The following CHD2 variants were observed in gnomAD, a reference collection of about 807,000 sequenced individuals.
CHD2 encodes chromodomain helicase DNA binding protein 2, also known as ATP-dependent chromatin remodeler CHD2.
A neutral mutation model predicts 243.9 loss-of-function variants in CHD2; 28 were observed. That is an observed-to-expected ratio of 0.11 (90% confidence interval 0.09 to 0.16). The LOEUF (loss-of-function observed/expected upper bound fraction) is 0.16, where lower values mean the gene tolerates loss of function less well. Among genes scored for constraint, CHD2 ranks in the 10% least tolerant of loss-of-function variants. The pLI is 1.00. For synonymous variants in CHD2, 775 were observed against 779.0 expected (o/e 0.99, Z 0.09); for missense variants, 1,386 against 2,209.8 (o/e 0.63, Z 7.47).
intron 9 of CHD2, chr15:92,943,591 A>G (rs2053416318): frequency 6.2e-6 from 1 of 161,376 alleles, no homozygotes; most frequent in Non-Finnish European, 1.4e-5. Context: ...TATTAGGTTA[A>G]CTACTGAAAC....
intron 2 of CHD2, 52 bp from the exon 3 acceptor site, chr15:92,924,269 T>A: frequency 6.6e-7 from 1 of 1,525,426 alleles, no homozygotes; most frequent in Non-Finnish European, 9.0e-7. Context: ...TTTAAGCAGA[T>A]TCATGTGTCA....
chr15:92,997,134 G>GT lies in CHD2; in HGVS notation c.3734+40dup. The GT allele has an allele frequency of 6.2e-7, 1 of 1,604,364 alleles. No homozygotes were observed. The highest frequency in any genetic ancestry group is 8.5e-7 in the Non-Finnish European group (1 of 1,176,686). ...GTGTACATGCTTAGATGGTCGTACCGTAAGAAAATAGATTTGAAGTTAGAC... is the reference window on the plus strand; with the variant it reads ...GTGTACATGCTTAGATGGTCGTACCGTTAAGAAAATAGATTTGAAGTTAGAC... On this transcript the variant is annotated intron_variant, in intron 29 of 38. Transcript: ENST00000394196. This position sits in a 1 kb window ranked among gnomAD's most constrained non-coding sequence, Gnocchi z 4.1.
intron 18 of CHD2, 52 bp from the exon 19 acceptor site, chr15:92,972,213 G>A: frequency 6.4e-7 from 1 of 1,563,038 alleles, no homozygotes; most frequent in East Asian, 2.3e-5. Context: ...GATTAGGGAA[G>A]ATTAAAATTT....
Position 92,967,534 on chromosome 15 carries a change from G to C in CHD2, c.2189+21G>C, listed in dbSNP as rs190676730. 4.2e-4 allele frequency: 675 copies of C among 1,602,252 alleles called. 1 individual carries two copies. The highest frequency in any genetic ancestry group is 5.5e-4 in the Non-Finnish European group (644 of 1,170,328). On this transcript the variant is annotated intron_variant, in intron 17 of 38. Coordinates refer to ENST00000394196, the MANE Select transcript of CHD2 (RefSeq NM_001271.4). ...TACAAGTAAGTTCTTGTTTGGGTTA[G>C]GCCTGAAGGGGTTGAGATCAGTACC... is the stretch of plus-strand genomic sequence containing the variant.
intron 9 of CHD2, 48 bp from the exon 10 acceptor site, chr15:92,944,367 C>A: frequency 1.8e-6 from 2 of 1,083,968 alleles, no homozygotes; most frequent in South Asian, 1.4e-5. Flanking sequence ...GTATGTGGAT[C>A]CCCAGACTTT....
intron 16 of CHD2, among the ~76,000 whole-genome samples, chr15:92,966,540 T>A (rs192968008): frequency 2.6e-5 from 4 of 152,336 alleles, no homozygotes; most frequent in Admixed American, 1.3e-4. Context: ...AAAGATCATA[T>A]AATCTGCTTC....
chr15:92,967,598 GTTTT>G (rs144172255), intron 17 of CHD2, 85 bp downstream of exon 17: 12 of 611,618 alleles, frequency 2.0e-5, no homozygotes, highest in Non-Finnish European at 2.1e-5. Context: ...ATATACTTTT[GTTTT>G]TTTTTTTTTT....
In CHD2 at chr15:92,978,298, C is replaced by T. The variant is rs746640348; in HGVS notation, c.2642C>T (p.Thr881Ile). 1.2e-6 allele frequency: 2 copies of T among 1,614,196 alleles called. No homozygotes were observed. The highest frequency in any genetic ancestry group is 1.7e-6 in the Non-Finnish European group (2 of 1,180,030). Residue 881 changes from threonine (T) to isoleucine (I), a missense_variant, in exon 21 of 39, where the codon ACA becomes ATA. By Grantham distance (89) the Thr-to-Ile change is moderately conservative. This residue lies in a region of CHD2 where 18 missense variants were observed against 115.3 expected (regional missense o/e 0.16). Transcript: ENST00000394196. Reference protein sequence around the residue: ...GLGINLASADTVVIFDSDWNP... With the variant: ...GLGINLASADIVVIFDSDWNP... The stretch of plus-strand genomic sequence containing the variant: ...GGAATCAATTTGGCTTCAGCGGACA[C>T]AGTCGTCATCTTTGACTCTGACTGG...
At chr15:92,981,546 C>A in intron 24 of CHD2, 89 bp downstream of exon 24, 1 of 944,114 alleles carries the variant, frequency 1.1e-6, no homozygotes, top group Non-Finnish European at 1.6e-6. Flanking sequence ...GCTAGGCGCT[C>A]TGCTTTTCTC....
chr15:92,978,068 A>C, intron 20 of CHD2, 166 bp from the exon 21 acceptor site: 1 of 741,836 alleles, frequency 1.3e-6, no homozygotes, highest in South Asian at 1.7e-5. Context: ...ATGAAAATTC[A>C]TTCTACCATC....
In CHD2 at chr15:93,020,239, C is replaced by T. The variant is rs1006465697; in HGVS notation, c.5134C>T (p.His1712Tyr). ...QYSSDRDHRG[H>Y]RDYYDRHHHD... ...CAGCAGTGACCGAGACCACCGGGGA[C>T]ACAGAGATTATTATGACAGGTATGC... The change falls in exon 38 of 39, where the codon CAC becomes TAC. Residue 1712 changes from histidine to tyrosine, a missense_variant. Coordinates refer to ENST00000394196, the MANE Select transcript of CHD2 (RefSeq NM_001271.4). 1.9e-6 allele frequency: 3 copies of T among 1,613,974 alleles called. No homozygotes were observed. Among genetic ancestry groups the T allele is most frequent in the Admixed American group, 1.7e-5 (1 of 59,998 alleles).
chr15:92,954,612 A>T (rs2053595015), intron 14 of CHD2, among the ~76,000 whole-genome samples: 1 of 152,276 alleles, frequency 6.6e-6, no homozygotes, highest in Admixed American at 6.5e-5. Flanking sequence ...TTAAAGACGA[A>T]AAAAGAGAAA....
At position 92,943,254 on chromosome 15, in the gene CHD2, G is replaced by GAGTTAA. The variant is rs1277776843; in HGVS notation, c.1052+186_1052+187insAGTTAA. 24 of 581,206 alleles carry GAGTTAA rather than the reference G, an allele frequency of 4.1e-5. No individual in the cohort carries two copies. In the Admixed American group the frequency reaches 4.3e-4, roughly 10 times the overall value. The allele number at this position is 581,206 out of a possible 1,614,324, so 36.0% of individuals were successfully genotyped here. On this transcript the variant is annotated intron_variant, in intron 9 of 38. Coordinates refer to ENST00000394196, the MANE Select transcript of CHD2 (RefSeq NM_001271.4). ...TTCAGATACTATATTTTTATATGTG[G>GAGTTAA]CTACCAAGTTTTTGGAGTTAACTAG...
chr15:92,994,445 G>T (rs2054161789), intron 28 of CHD2, among the ~76,000 whole-genome samples: 1 of 151,688 alleles, frequency 6.6e-6, no homozygotes, highest in Non-Finnish European at 1.5e-5. Context: ...TATTGAATTT[G>T]ATATAATTTA....
chr15:92,953,818 A>G (rs1199109503), intron 14 of CHD2: 3 of 460,924 alleles, frequency 6.5e-6, no homozygotes, highest in Non-Finnish European at 1.2e-5. Context: ...GGGTTGCAAT[A>G]TTAAATTTTT....
At chr15:92,995,487 TGTGC>T (rs1186913024) in intron 28 of CHD2, among the ~76,000 whole-genome samples, 1 of 118,760 alleles carries the variant, frequency 8.4e-6, no homozygotes, top group Admixed American at 9.1e-5. Flanking sequence ...TTTAAGTGTG[TGTGC>T]GTGTGTATTT....
At chr15:92,904,320 G>T in intron 2 of CHD2, 1 of 396,644 alleles carries the variant, frequency 2.5e-6, no homozygotes, top group East Asian at 1.6e-4. Context: ...GGTGCTGATT[G>T]GCTGTGCGCG....
intron 2 of CHD2, among the ~76,000 whole-genome samples, chr15:92,915,217 TAGAAAC>T (rs979918653): frequency 2.6e-5 from 4 of 152,100 alleles, no homozygotes; most frequent in African/African-American, 7.2e-5. Flanking sequence ...TCTACAGTGT[TAGAAAC>T]AGACCTCTTT....
intron 5 of CHD2, among the ~76,000 whole-genome samples, chr15:92,933,107 A>G (rs900501442): frequency 6.7e-6 from 1 of 148,504 alleles, no homozygotes; most frequent in Non-Finnish European, 1.5e-5. Flanking sequence ...ATGTGTGGCC[A>G]TAGCTCACTG....
Sources: gnomAD v4.1 joint callset for allele counts (sites outside exome capture counted in the v4.1 genomes callset) on GRCh38, gnomAD v4.1.1 for gene constraint, gnomAD v4.1.1 regional missense constraint, Gnocchi (gnomAD v3.1) non-coding constraint, MANE v1.5 for transcripts, NCBI Gene and HGNC (gene_info 2026-07-23, HGNC 2026-07-21) for gene names.